THADA: variants seen among roughly 807,000 people sequenced by gnomAD.
THADA encodes tRNA (32-2'-O)-methyltransferase regulator THADA.
THADA carries 213 observed loss-of-function variants against 219.8 expected under a neutral mutation model. The observed-to-expected ratio is 0.97, with a 90% confidence interval of 0.87 to 1.09. The LOEUF (loss-of-function observed/expected upper bound fraction) is 1.09. THADA is among the 50% of genes least tolerant of loss of function. The pLI, the probability that THADA is intolerant of heterozygous loss-of-function variation, is 0.00. For missense variants in THADA, 2,956 were observed against 2,311.3 expected (o/e 1.28, Z -5.72); for synonymous variants, 1,018 against 828.9 (o/e 1.23, Z -3.92).
intron 28 of THADA, among the ~76,000 whole-genome samples, chr2:43,425,077 G>C (rs547711084): frequency 1.3e-5 from 2 of 152,156 alleles, no homozygotes; most frequent in East Asian, 1.9e-4. Flanking sequence ...CTACTCAAAA[G>C]GCAACCAAAA....
chr2:43,415,090 T>G (rs1246695766), intron 28 of THADA, among the ~76,000 whole-genome samples: 3 of 152,226 alleles, frequency 2.0e-5, no homozygotes, highest in African/African-American at 4.8e-5. Flanking sequence ...CCCAACGTAT[T>G]CTATTTATCT....
intron 26 of THADA, among the ~76,000 whole-genome samples, chr2:43,438,603 T>A (rs1228658921): frequency 6.6e-6 from 1 of 152,088 alleles, no homozygotes; most frequent in Non-Finnish European, 1.5e-5. Context: ...AAAACATGAG[T>A]AAACTGTAGT....
At chr2:43,322,545 G>GA (rs111616286) in intron 30 of THADA, among the ~76,000 whole-genome samples, 29,028 of 151,294 alleles carry the variant, frequency 0.19, 2,919 homozygotes, top group South Asian at 0.25. Flanking sequence ...AAAAATAATT[G>GA]AAAAAGCACA....
intron 15 of THADA, chr2:43,563,482 C>T (rs905813087): frequency 1.3e-5 from 2 of 152,260 alleles, no homozygotes; most frequent in Non-Finnish European, 2.9e-5. Context: ...CTTGTATCTA[C>T]ATAATGTACT....
rs1414163674 is a variant in THADA at position 43,431,983 on chromosome 2, A to G, written c.3837-1681T>C. ...GCCATTCTCCTGCCTCAGCCTCCCAAGTAGCTGGGACTACAGGCGCCCGCC... is the reference window on the plus strand; with the variant it reads ...GCCATTCTCCTGCCTCAGCCTCCCAGGTAGCTGGGACTACAGGCGCCCGCC... On this transcript the variant is annotated intron_variant, in intron 26 of 37. Transcript: ENST00000405975. 2.4e-5 allele frequency among the ~76,000 whole-genome samples: 3 copies of G among 122,974 alleles called. 1 individual carries two copies. The highest frequency in any genetic ancestry group is 3.8e-5 in the African/African-American group (1 of 25,984). 80.7% of individuals were successfully genotyped at this position (122,974 alleles called of 152,430 possible).
intron 22 of THADA, among the ~76,000 whole-genome samples, chr2:43,516,375 A>C (rs990332132): frequency 6.6e-6 from 1 of 151,876 alleles, no homozygotes; most frequent in African/African-American, 2.4e-5. Context: ...CTCATCTACA[A>C]CTCTTTCCTA....
At chr2:43,526,004 C>G (rs919444167) in intron 22 of THADA, among the ~76,000 whole-genome samples, 1 of 152,150 alleles carries the variant, frequency 6.6e-6, no homozygotes, top group Non-Finnish European at 1.5e-5. Flanking sequence ...CATGCCAACC[C>G]CACAACCAAC....
chr2:43,373,738 A>C (rs1286802261), intron 29 of THADA, among the ~76,000 whole-genome samples: 1 of 152,190 alleles, frequency 6.6e-6, no homozygotes, highest in Non-Finnish European at 1.5e-5. Context: ...TCGGCCTCCC[A>C]AAGTGCTAGG....
intron 29 of THADA, among the ~76,000 whole-genome samples, chr2:43,385,949 T>C (rs1026616945): frequency 5.9e-5 from 9 of 151,306 alleles, no homozygotes; most frequent in South Asian, 4.2e-4. Context: ...ATGAAAAATG[T>C]CCCCCTCACC....
intron 26 of THADA, among the ~76,000 whole-genome samples, chr2:43,439,442 T>C (rs992540371): frequency 6.6e-6 from 1 of 152,200 alleles, no homozygotes; most frequent in African/African-American, 2.4e-5. Flanking sequence ...CTGCCCAGGA[T>C]GTGAATCAGC....
chr2:43,442,013 T>C (rs1202235381), intron 26 of THADA, among the ~76,000 whole-genome samples: 2 of 152,216 alleles, frequency 1.3e-5, no homozygotes, highest in Non-Finnish European at 2.9e-5. Context: ...GGTATTCACA[T>C]ACAATATAAC....
At chr2:43,248,588 A>T (rs943659078) in intron 36 of THADA, among the ~76,000 whole-genome samples, 2 of 152,222 alleles carry the variant, frequency 1.3e-5, no homozygotes, top group South Asian at 2.1e-4. Context: ...GATGGAAAAT[A>T]ATTTCTTGAT....
At chr2:43,300,579 G>T (rs1350040174) in intron 31 of THADA, among the ~76,000 whole-genome samples, 1 of 152,172 alleles carries the variant, frequency 6.6e-6, no homozygotes, top group East Asian at 1.9e-4. Context: ...TTTAAGGTGG[G>T]CCCTGAGGCT....
At chr2:43,253,932 T>G (rs1355146471) in intron 36 of THADA, among the ~76,000 whole-genome samples, 1 of 152,048 alleles carries the variant, frequency 6.6e-6, no homozygotes, top group Non-Finnish European at 1.5e-5. Context: ...CTGCCCACCT[T>G]CCATTCGCCC....
chr2:43,381,097 C>G lies in THADA; in HGVS notation c.4227+16874G>C, dbSNP rs866256380. Among the ~76,000 whole-genome samples, 13 of 54,402 alleles carry G rather than the reference C, an allele frequency of 2.4e-4. No homozygotes were observed. The South Asian group carries it at 0.011, about 45-fold the overall frequency. The allele number at this position is 54,402 out of a possible 152,430, so 35.7% of individuals were successfully genotyped here. A position where few individuals can be genotyped will look rare whatever the true frequency, so the allele number is the denominator to read the frequency against. On this transcript the variant is annotated intron_variant, in intron 29 of 37. Coordinates refer to ENST00000405975, the MANE Select transcript of THADA (RefSeq NM_022065.5). ...CGGGCGAGACAGAGCGAGACTTTGT[C>G]AAAAAAAAAAAAAAAAAAAAAAAAG...
At chr2:43,575,403 ATG>A (rs1699752381) in intron 10 of THADA, among the ~76,000 whole-genome samples, 1 of 152,198 alleles carries the variant, frequency 6.6e-6, no homozygotes, top group Non-Finnish European at 1.5e-5. Flanking sequence ...AGCTGTGCTC[ATG>A]CCACTACACT....
In THADA at chr2:43,261,251, T is replaced by A. The variant is rs557578614; in HGVS notation, c.5296+18514A>T. Among the ~76,000 whole-genome samples, 79 of 132,848 alleles carry A rather than the reference T, an allele frequency of 5.9e-4. 2 individuals are homozygous for A. The South Asian group carries it at 0.018, about 30-fold the overall frequency. 87.2% of individuals were successfully genotyped at this position (132,848 alleles called of 152,430 possible). The stretch of plus-strand genomic sequence containing the variant: ...TTTTTTTTTTTTTTTTGAGAAGAGG[T>A]CTTGCTGTGTCACCCAGGCTGGAGT... On this transcript the variant is annotated intron_variant, in intron 36 of 37. Coordinates refer to ENST00000405975, the MANE Select transcript of THADA (RefSeq NM_022065.5).
intron 31 of THADA, among the ~76,000 whole-genome samples, chr2:43,295,630 C>T (rs931692298): frequency 1.3e-5 from 2 of 152,138 alleles, no homozygotes; most frequent in Admixed American, 6.5e-5. Flanking sequence ...AATAAAACAC[C>T]GTTTATATTT....
At chr2:43,248,006 G>A (rs932800663) in intron 36 of THADA, among the ~76,000 whole-genome samples, 1 of 151,224 alleles carries the variant, frequency 6.6e-6, no homozygotes, top group Non-Finnish European at 1.5e-5. Context: ...TCACACTGCT[G>A]TACTCCAGCC....
Sources: gnomAD v4.1 joint callset for allele counts (sites outside exome capture counted in the v4.1 genomes callset) on GRCh38, gnomAD v4.1.1 for gene constraint, MANE v1.5 for transcripts, NCBI Gene and HGNC (gene_info 2026-07-23, HGNC 2026-07-21) for gene names.